RBFOX3: variants seen among roughly 807,000 people sequenced by gnomAD.
The protein encoded by RBFOX3 is RNA binding fox-1 homolog 3.
A neutral mutation model predicts 48.7 loss-of-function variants in RBFOX3; 17 were observed. The ratio of observed to expected loss-of-function variants is 0.35; its 90% CI spans 0.24 to 0.52. The LOEUF is 0.52. RBFOX3 is among the 20% of genes least tolerant of loss of function. RBFOX3 has a pLI of 0.94. For missense variants in RBFOX3, 382 were observed against 497.5 expected (o/e 0.77, Z 2.21); for synonymous variants, 212 against 209.5 (o/e 1.01, Z -0.10).
chr17:79,452,758 C>T (rs1733309780), intron 2 of RBFOX3, among the ~76,000 whole-genome samples: 1 of 152,192 alleles, frequency 6.6e-6, no homozygotes, highest in Non-Finnish European at 1.5e-5. Flanking sequence ...ATCTCCCTGC[C>T]ATCAGTGGAG....
intron 4 of RBFOX3, among the ~76,000 whole-genome samples, chr17:79,151,034 G>A (rs1487873238): frequency 1.3e-5 from 2 of 152,196 alleles, no homozygotes; most frequent in Admixed American, 6.5e-5. Flanking sequence ...CCCAGTCCAC[G>A]CTCCGCAAGT....
chr17:79,205,573 T>C lies in RBFOX3; in HGVS notation c.-34+30193A>G, dbSNP rs1437628969. Among the ~76,000 whole-genome samples the C allele has an allele frequency of 6.6e-6, 1 of 152,102 alleles. No homozygotes were observed. Among genetic ancestry groups the C allele is most frequent in the Non-Finnish European group, 1.5e-5 (1 of 68,012 alleles). ...GAACTTGCAAAAATTATATCCACTA[T>C]CAAATACTTAAAGGAAGCAAGGATG... On this transcript the variant is annotated intron_variant, in intron 4 of 14. Transcript: ENST00000693108. The surrounding 1 kb of genome is among the most constrained non-coding windows in gnomAD (Gnocchi z 4.5).
At chr17:79,356,782 G>T (rs1042599842) in intron 2 of RBFOX3, among the ~76,000 whole-genome samples, 1 of 152,100 alleles carries the variant, frequency 6.6e-6, no homozygotes, top group Non-Finnish European at 1.5e-5. Flanking sequence ...GAGACCAAAG[G>T]TAAGAATTTG....
At chr17:79,149,639 C>A (rs1022560540) in intron 4 of RBFOX3, among the ~76,000 whole-genome samples, 1 of 152,040 alleles carries the variant, frequency 6.6e-6, no homozygotes, top group Non-Finnish European at 1.5e-5. Flanking sequence ...ACCGTCCCCA[C>A]ACACTGCAGA....
chr17:79,536,955 A>G (rs1043500479), intron 1 of RBFOX3, among the ~76,000 whole-genome samples: 28 of 152,046 alleles, frequency 1.8e-4, no homozygotes, highest in African/African-American at 6.5e-4. Context: ...CATGGTGGCG[A>G]GCACCTGTAA....
Position 79,492,793 on chromosome 17 carries a change from G to A in RBFOX3, c.-319-10195C>T, listed in dbSNP as rs542133840. 5.8e-4 allele frequency among the ~76,000 whole-genome samples: 88 copies of A among 152,350 alleles called. No individual in the cohort carries two copies. In the East Asian group the frequency reaches 0.012, roughly 21 times the overall value. On this transcript the variant is annotated intron_variant, in intron 1 of 14. Coordinates refer to ENST00000693108, the MANE Select transcript of RBFOX3 (RefSeq NM_001350451.2). ...GAGCCACAGGCATGGAGAAGAACGC[G>A]AAGTGAGAAGACAGGATGAGAGCAG... is the stretch of plus-strand genomic sequence containing the variant.
intron 1 of RBFOX3, among the ~76,000 whole-genome samples, chr17:79,597,184 G>A (rs1051017184): frequency 5.3e-5 from 8 of 152,224 alleles, no homozygotes; most frequent in Non-Finnish European, 1.2e-4. Flanking sequence ...CCAAAAAGGA[G>A]ATGCAGGAGC....
At chr17:79,264,927 C>T (rs956317223) in intron 3 of RBFOX3, among the ~76,000 whole-genome samples, 2 of 151,880 alleles carry the variant, frequency 1.3e-5, no homozygotes, top group Non-Finnish European at 2.9e-5. Flanking sequence ...TCCGGCATTA[C>T]TGCCACGAAT....
intron 1 of RBFOX3, among the ~76,000 whole-genome samples, chr17:79,546,695 G>A (rs548605956): frequency 1.5e-4 from 20 of 136,294 alleles, no homozygotes; most frequent in African/African-American, 5.8e-4. Flanking sequence ...TTTGAGACAC[G>A]GTCTCACCCT....
intron 2 of RBFOX3, among the ~76,000 whole-genome samples, chr17:79,346,321 G>A (rs182193411): frequency 7.4e-4 from 112 of 152,246 alleles, no homozygotes; most frequent in Non-Finnish European, 1.4e-3. Context: ...TTTGTATATG[G>A]GTAACTACAC....
chr17:79,112,337 C>A (rs2032010871), intron 5 of RBFOX3, among the ~76,000 whole-genome samples: 1 of 152,166 alleles, frequency 6.6e-6, no homozygotes, highest in African/African-American at 2.4e-5. Flanking sequence ...GGGGTGCATC[C>A]CACCTGGGTG....
In RBFOX3 at chr17:79,090,694, G is replaced by A. The variant is rs955070408; in HGVS notation, c.*189C>T. ...GGGGCCGCTCCTCGGCGCCCCTGCC[G>A]GCGTGCTCCCTCGGTGCGGGCGTGT... On this transcript the variant is annotated 3_prime_UTR_variant, in exon 15 of 15. Transcript: ENST00000693108. 8 of 708,890 alleles carry A rather than the reference G, an allele frequency of 1.1e-5. No homozygotes were observed. Among genetic ancestry groups the A allele is most frequent in the Admixed American group, 6.1e-5 (2 of 32,722 alleles). 43.9% of individuals were successfully genotyped at this position (708,890 alleles called of 1,614,324 possible). A position where few individuals can be genotyped will look rare whatever the true frequency, so the allele number is the denominator to read the frequency against.
the RBFOX3 span, among the ~76,000 whole-genome samples, chr17:79,616,395 G>A: frequency 1.3e-5 from 2 of 152,002 alleles, no homozygotes; most frequent in African/African-American, 4.8e-5. Context: ...AATTAGCCGG[G>A]CGAAGTGGAG....
At chr17:79,378,510 C>A (rs144826693) in intron 2 of RBFOX3, among the ~76,000 whole-genome samples, 2 of 152,288 alleles carry the variant, frequency 1.3e-5, no homozygotes, top group East Asian at 3.9e-4. Flanking sequence ...TAGGACATAA[C>A]CCGTGGCCGC....
the RBFOX3 span, among the ~76,000 whole-genome samples, chr17:79,637,595 T>A: frequency 6.6e-6 from 1 of 151,450 alleles, no homozygotes; most frequent in African/African-American, 2.4e-5. Context: ...CTCAGGAGGA[T>A]GAGGCAGGAG....
rs1212708595 is a variant in RBFOX3 at position 79,479,053 on chromosome 17, C to G, written c.-175+3401G>C. Among the ~76,000 whole-genome samples, 6 of 152,208 alleles carry G rather than the reference C, an allele frequency of 3.9e-5. No individual in the cohort carries two copies. Among genetic ancestry groups the G allele is most frequent in the African/African-American group, 1.4e-4 (6 of 41,466 alleles). ...CGAAGGGCTCCTTGCCAAGGCCATT[C>G]CTGAATCAGAAAGGCCAGCCCGCCT... On this transcript the variant is annotated intron_variant, in intron 2 of 14. Coordinates refer to ENST00000693108, the MANE Select transcript of RBFOX3 (RefSeq NM_001350451.2). This position sits in a 1 kb window ranked among gnomAD's most constrained non-coding sequence, Gnocchi z 5.1.
chr17:79,662,767 T>C, the RBFOX3 span, among the ~76,000 whole-genome samples: 1 of 152,152 alleles, frequency 6.6e-6, no homozygotes, highest in African/African-American at 2.4e-5. Context: ...AGAGGAAAAA[T>C]AGATTAACTT....
rs1056045282 is a variant in RBFOX3, at chr17:79,580,104, T to G, written c.-320+30722A>C. ...CCTTCCCAATCTCATCTCTGAGAACTTGGCATCCCAGTCCCATCTCCTGAG... is the reference window on the plus strand; with the variant it reads ...CCTTCCCAATCTCATCTCTGAGAACGTGGCATCCCAGTCCCATCTCCTGAG... On this transcript the variant is annotated intron_variant, in intron 1 of 14. Coordinates refer to ENST00000693108, the MANE Select transcript of RBFOX3 (RefSeq NM_001350451.2). Among the ~76,000 whole-genome samples the G allele has an allele frequency of 4.9e-4, 74 of 152,112 alleles. No homozygotes were observed. The South Asian group carries it at 9.6e-3, about 20-fold the overall frequency.
chr17:79,607,008 T>C (rs2093847088), intron 1 of RBFOX3, among the ~76,000 whole-genome samples: 1 of 152,086 alleles, frequency 6.6e-6, no homozygotes. Context: ...GAAAGTAAGA[T>C]GTTGAGGCTG....
Sources: allele counts gnomAD v4.1 joint callset (sites outside exome capture counted in the v4.1 genomes callset), GRCh38; gene constraint gnomAD v4.1.1; non-coding constraint Gnocchi (gnomAD v3.1); transcripts MANE v1.5; gene names NCBI Gene and HGNC (gene_info 2026-07-23, HGNC 2026-07-21).